Variants in NYAP2 observed in about 807,000 individuals in gnomAD.
NYAP2 encodes neuronal tyrosine-phosphorylated phosphoinositide-3-kinase adaptor 2, also known as neuronal tyrosine-phosphorylated phosphoinositide-3-kinase adapter 2.
A neutral mutation model predicts 50.4 loss-of-function variants in NYAP2; 23 were observed. The ratio of observed to expected loss-of-function variants is 0.46; its 90% CI spans 0.33 to 0.65. NYAP2 has a LOEUF of 0.65. Among genes scored for constraint, NYAP2 ranks in the 30% least tolerant of loss-of-function variants. NYAP2 has a pLI of 0.02. For synonymous variants in NYAP2, 394 were observed against 365.2 expected (o/e 1.08, Z -0.90); for missense variants, 885 against 861.0 (o/e 1.03, Z -0.35).
At chr2:225,696,998 A>C in the NYAP2 span, among the ~76,000 whole-genome samples, 2 of 152,004 alleles carry the variant, frequency 1.3e-5, no homozygotes, top group African/African-American at 4.8e-5. Context: ...TTATCACCCT[A>C]AAATTGTAAC....
chr2:225,633,919 C>T (rs17410797), intron 6 of NYAP2, among the ~76,000 whole-genome samples: 16,620 of 152,232 alleles, frequency 0.11, 1,019 homozygotes, highest in South Asian at 0.15. Flanking sequence ...TAAAATCAAG[C>T]GATGACCATT....
intron 3 of NYAP2, among the ~76,000 whole-genome samples, chr2:225,417,844 A>T (rs1326607239): frequency 6.6e-6 from 1 of 152,124 alleles, no homozygotes; most frequent in Non-Finnish European, 1.5e-5. Flanking sequence ...ATTTTATGTC[A>T]GTCATTGCTC....
intron 5 of NYAP2, among the ~76,000 whole-genome samples, chr2:225,621,698 A>G (rs1228047598): frequency 6.6e-6 from 1 of 151,818 alleles, no homozygotes; most frequent in East Asian, 1.9e-4. Context: ...ATATTTTAAT[A>G]CAGTTTTTTT....
chr2:225,490,355 A>G (rs1350551668), intron 3 of NYAP2, among the ~76,000 whole-genome samples: 1 of 152,220 alleles, frequency 6.6e-6, no homozygotes, highest in East Asian at 1.9e-4. Context: ...TAGCAGCAAC[A>G]CATGAGACTC....
intron 5 of NYAP2, among the ~76,000 whole-genome samples, chr2:225,595,699 G>T (rs1692584199): frequency 6.6e-6 from 1 of 152,182 alleles, no homozygotes; most frequent in South Asian, 2.1e-4. Flanking sequence ...TCTGAACCAA[G>T]CTGTGTGTAT....
intron 3 of NYAP2, among the ~76,000 whole-genome samples, chr2:225,414,806 G>C (rs1004627750): frequency 2.6e-5 from 4 of 152,020 alleles, no homozygotes. Context: ...TTCAAACAAA[G>C]TTTTCTTTCT....
At chr2:225,447,814 C>A (rs1425218207) in intron 3 of NYAP2, among the ~76,000 whole-genome samples, 1 of 152,134 alleles carries the variant, frequency 6.6e-6, no homozygotes, top group African/African-American at 2.4e-5. Context: ...TCAATATTAG[C>A]AATTTGAACT....
the NYAP2 span, among the ~76,000 whole-genome samples, chr2:225,663,858 G>A: frequency 6.6e-6 from 1 of 151,928 alleles, no homozygotes; most frequent in Non-Finnish European, 1.5e-5. Context: ...GCCCGGCCCT[G>A]TATCACTTTT....
At chr2:225,422,655 A>G (rs938448164) in intron 3 of NYAP2, among the ~76,000 whole-genome samples, 1 of 152,206 alleles carries the variant, frequency 6.6e-6, no homozygotes, top group Non-Finnish European at 1.5e-5. Context: ...GTGTCAGCTA[A>G]AAATACAACT....
At chr2:225,459,133 T>C (rs58912634) in intron 3 of NYAP2, among the ~76,000 whole-genome samples, 3,234 of 152,338 alleles carry the variant, frequency 0.021, 115 homozygotes, top group African/African-American at 0.071. Context: ...GGATTAAAAA[T>C]CTATGTAATA....
chr2:225,410,460 T>G (rs1250533301), intron 3 of NYAP2, among the ~76,000 whole-genome samples: 1 of 151,970 alleles, frequency 6.6e-6, no homozygotes, highest in Non-Finnish European at 1.5e-5. Context: ...TTGATGGACA[T>G]TTTTTTGTGT....
At chr2:225,614,651 C>A (rs1692956034) in intron 5 of NYAP2, among the ~76,000 whole-genome samples, 1 of 151,974 alleles carries the variant, frequency 6.6e-6, no homozygotes, top group South Asian at 2.1e-4. Flanking sequence ...GTCAGTATAC[C>A]AATAAAAACA....
chr2:225,612,504 G>T (rs1054468824), intron 5 of NYAP2, among the ~76,000 whole-genome samples: 19 of 151,962 alleles, frequency 1.3e-4, no homozygotes, highest in African/African-American at 3.1e-4. Context: ...GTTTTAGTTT[G>T]CTCAGGCTAC....
the NYAP2 span, among the ~76,000 whole-genome samples, chr2:225,664,835 T>C: frequency 1.3e-5 from 2 of 152,142 alleles, no homozygotes; most frequent in African/African-American, 2.4e-5. Flanking sequence ...ATCACGGCAC[T>C]GCACTCCAGC....
rs143013830 is a variant in NYAP2, at chr2:225,450,090, G to A, written c.221+40989G>A. ...TTGATCCTTACTGTAAGGACATATG[G>A]TTTATTTAGAAAACAGATGCCATAG... On this transcript the variant is annotated intron_variant, in intron 3 of 6. Coordinates refer to ENST00000636099, the Ensembl canonical transcript of NYAP2. Among the ~76,000 whole-genome samples the A allele has an allele frequency of 2.5e-3, 373 of 152,230 alleles. 1 individual carries two copies. Among genetic ancestry groups the A allele is most frequent in the Admixed American group, 8.2e-3 (125 of 15,284 alleles).
intron 4 of NYAP2, among the ~76,000 whole-genome samples, chr2:225,547,761 T>A (rs777333981): frequency 3.9e-5 from 6 of 152,230 alleles, no homozygotes; most frequent in Non-Finnish European, 7.3e-5. Context: ...GATATGAAGT[T>A]AAAACCAGGT....
intron 5 of NYAP2, among the ~76,000 whole-genome samples, chr2:225,617,413 G>A (rs1355708054): frequency 6.6e-6 from 1 of 151,812 alleles, no homozygotes. Flanking sequence ...TGGGCAATAA[G>A]AGTGAAACTC....
chr2:225,482,200 A>G (rs1690218077), intron 3 of NYAP2, among the ~76,000 whole-genome samples: 1 of 152,132 alleles, frequency 6.6e-6, no homozygotes, highest in African/African-American at 2.4e-5. Context: ...TTTTACAGAA[A>G]GCTCCATTAA....
intron 4 of NYAP2, among the ~76,000 whole-genome samples, chr2:225,524,132 G>A (rs1280665853): frequency 6.6e-6 from 1 of 152,112 alleles, no homozygotes; most frequent in Admixed American, 6.6e-5. Context: ...CCCACAATAG[G>A]CCATCCACAA....
Sources: gnomAD v4.1 joint callset for allele counts (sites outside exome capture counted in the v4.1 genomes callset) on GRCh38, gnomAD v4.1.1 for gene constraint, MANE v1.5 for transcripts, NCBI Gene and HGNC (gene_info 2026-07-23, HGNC 2026-07-21) for gene names.